Variants in GRIN2B observed in about 807,000 individuals in gnomAD.
The protein encoded by GRIN2B is glutamate receptor ionotropic, NMDA 2B.
In GRIN2B, 5 loss-of-function variants were observed where a neutral mutation model predicts 114.5. The observed-to-expected ratio is 0.04, with a 90% CI of 0.02 to 0.09. The LOEUF (loss-of-function observed/expected upper bound fraction) is 0.09. Among genes scored for constraint, GRIN2B ranks in the 10% least tolerant of loss-of-function variants. The pLI, the probability that GRIN2B is intolerant of heterozygous loss-of-function variation, is 1.00. For synonymous variants in GRIN2B, 787 were observed against 745.1 expected (o/e 1.06, Z -0.92); for missense variants, 1,108 against 1,943.5 (o/e 0.57, Z 8.08).
Position 13,540,667 on chromosome 12 carries a change from C to G in GRIN2B, c.*22116G>C, listed in dbSNP as rs959751924. Reference sequence around the variant, plus strand: ...AAGACCCAGTCATCCGCCCCTCCCCCCACTCCAGAATCTCAATTGATCCCT... The same window carrying G: ...AAGACCCAGTCATCCGCCCCTCCCCGCACTCCAGAATCTCAATTGATCCCT... On this transcript the variant is annotated 3_prime_UTR_variant, in exon 14 of 14. Coordinates refer to ENST00000609686, the MANE Select transcript of GRIN2B (RefSeq NM_000834.5). The G allele has an allele frequency of 6.6e-6, 1 of 151,944 alleles. No homozygotes were observed. The highest frequency in any genetic ancestry group is 1.9e-4 in the East Asian group (1 of 5,186). 9.4% of individuals were successfully genotyped at this position (151,944 alleles called of 1,614,324 possible).
chr12:13,855,838 C>G (rs1267325693), intron 3 of GRIN2B, among the ~76,000 whole-genome samples: 1 of 152,198 alleles, frequency 6.6e-6, no homozygotes, highest in Non-Finnish European at 1.5e-5. Flanking sequence ...GAAGGATCAC[C>G]ATGCTACCCA....
chr12:13,700,941 A>G (rs11055592), intron 4 of GRIN2B, among the ~76,000 whole-genome samples: 78,558 of 151,890 alleles, frequency 0.52, 20,617 homozygotes, highest in Middle Eastern at 0.59. Context: ...AGAACTTCCC[A>G]AGACTGGGTA....
At chr12:13,642,437 C>T (rs183789794) in intron 5 of GRIN2B, among the ~76,000 whole-genome samples, 2 of 152,064 alleles carry the variant, frequency 1.3e-5, no homozygotes, top group South Asian at 4.2e-4. Flanking sequence ...GTCACCAAAC[C>T]TTTCTCAGCC....
At chr12:13,838,600 C>A (rs1037067149) in intron 3 of GRIN2B, among the ~76,000 whole-genome samples, 1 of 151,954 alleles carries the variant, frequency 6.6e-6, no homozygotes, top group Non-Finnish European at 1.5e-5. Context: ...CTCCCCACCA[C>A]CCCCCCATCT....
chr12:13,857,579 A>T lies in GRIN2B; in HGVS notation c.411+8219T>A, dbSNP rs1056436331. 2.0e-5 allele frequency among the ~76,000 whole-genome samples: 3 copies of T among 152,208 alleles called. No individual in the cohort carries two copies. The East Asian group carries it at 5.8e-4, about 29-fold the overall frequency. ...CTGGAGAAGACTAGACTAAAGACAC[A>T]AAAGAGGGTTTGGCGTGAGACAAGG... is the stretch of plus-strand genomic sequence containing the variant. On this transcript the variant is annotated intron_variant, in intron 3 of 13. Transcript: ENST00000609686.
intron 5 of GRIN2B, among the ~76,000 whole-genome samples, chr12:13,639,631 A>G (rs895366380): frequency 2.6e-5 from 4 of 152,084 alleles, no homozygotes; most frequent in Non-Finnish European, 4.4e-5. Context: ...AAGATTGGAA[A>G]AGCATAATGT....
At chr12:13,726,044 T>A (rs550077247) in intron 4 of GRIN2B, among the ~76,000 whole-genome samples, 2 of 152,300 alleles carry the variant, frequency 1.3e-5, no homozygotes, top group South Asian at 2.1e-4. Flanking sequence ...CCTACATCCA[T>A]GAAATTGCTA....
At chr12:13,595,352 G>C (rs1322939027) in intron 10 of GRIN2B, among the ~76,000 whole-genome samples, 1 of 152,214 alleles carries the variant, frequency 6.6e-6, no homozygotes, top group South Asian at 2.1e-4. Context: ...TCTGAGGATC[G>C]ATACATTTGT....
chr12:13,659,807 T>C (rs1438664192), intron 5 of GRIN2B, among the ~76,000 whole-genome samples: 1 of 152,178 alleles, frequency 6.6e-6, no homozygotes, highest in African/African-American at 2.4e-5. Context: ...TAACCAGATA[T>C]GTAATTTCTT....
At position 13,563,507 on chromosome 12, in the gene GRIN2B, G is replaced by A. The variant is rs772176416; in HGVS notation, c.3731C>T (p.Ala1244Val). 1 of 1,614,146 alleles carries A rather than the reference G, an allele frequency of 6.2e-7. No individual in the cohort carries two copies. ...SGRQACIRCE[A>V]CKKAGNLYDI... ...ATACAGGTTGCCTGCTTTCTTGCAA[G>A]CCTCACACCGGATGCACGCCTGCCT... The change falls in exon 14 of 14, where the codon GCT becomes GTT. Residue 1244 changes from alanine to valine, a missense_variant. By Grantham distance (64) the Ala-to-Val change is moderately conservative (BLOSUM62 0). Coordinates refer to ENST00000609686, the MANE Select transcript of GRIN2B (RefSeq NM_000834.5).
intron 5 of GRIN2B, among the ~76,000 whole-genome samples, chr12:13,657,223 T>C (rs937562441): frequency 6.6e-6 from 1 of 152,178 alleles, no homozygotes; most frequent in Non-Finnish European, 1.5e-5. Flanking sequence ...AACCACTTCC[T>C]GTCTTGGAGC....
At chr12:13,653,021 C>T (rs1173531238) in intron 5 of GRIN2B, among the ~76,000 whole-genome samples, 1 of 152,004 alleles carries the variant, frequency 6.6e-6, no homozygotes, top group East Asian at 1.9e-4. Context: ...ATCCATCTGA[C>T]ACTGTGTGAA....
At chr12:13,799,670 G>C (rs1864472012) in intron 3 of GRIN2B, among the ~76,000 whole-genome samples, 1 of 151,998 alleles carries the variant, frequency 6.6e-6, no homozygotes, top group Non-Finnish European at 1.5e-5. Flanking sequence ...CCGGGCAGCT[G>C]CAGTACATAA....
intron 3 of GRIN2B, among the ~76,000 whole-genome samples, chr12:13,843,519 T>G (rs1865422282): frequency 6.6e-6 from 1 of 152,174 alleles, no homozygotes; most frequent in Non-Finnish European, 1.5e-5. Context: ...CCTTCAGGCT[T>G]TCACAGGATA....
intron 4 of GRIN2B, among the ~76,000 whole-genome samples, chr12:13,731,514 T>C (rs1220161250): frequency 6.6e-6 from 1 of 152,104 alleles, no homozygotes; most frequent in Non-Finnish European, 1.5e-5. Context: ...GGCAGGAGAA[T>C]GGCATGAACT....
intron 3 of GRIN2B, among the ~76,000 whole-genome samples, chr12:13,771,969 G>A (rs1407934955): frequency 6.6e-6 from 1 of 152,218 alleles, no homozygotes; most frequent in Non-Finnish European, 1.5e-5. Flanking sequence ...CCTGGTGTGG[G>A]TCCCACTGAT....
intron 10 of GRIN2B, among the ~76,000 whole-genome samples, chr12:13,600,021 T>C (rs1171275658): frequency 1.3e-5 from 2 of 152,224 alleles, no homozygotes; most frequent in Admixed American, 1.3e-4. Context: ...TGGGCCTAGT[T>C]CAATTCAATG....
At chr12:13,914,371 T>C (rs1866675675) in intron 2 of GRIN2B, among the ~76,000 whole-genome samples, 1 of 152,142 alleles carries the variant, frequency 6.6e-6, no homozygotes, top group Admixed American at 6.6e-5. Context: ...CACAAGGAGA[T>C]ATCGTCTCAC....
intron 3 of GRIN2B, among the ~76,000 whole-genome samples, chr12:13,822,513 G>A (rs528027810): frequency 6.6e-6 from 1 of 152,114 alleles, no homozygotes; most frequent in South Asian, 2.1e-4. Context: ...TAAGACAAAG[G>A]GTAAAGAGAT....
Sources: gnomAD v4.1 joint callset for allele counts (sites outside exome capture counted in the v4.1 genomes callset) on GRCh38, gnomAD v4.1.1 for gene constraint, MANE v1.5 for transcripts, NCBI Gene and HGNC (gene_info 2026-07-23, HGNC 2026-07-21) for gene names.